The following PRDM16 variants were observed in gnomAD, a reference collection of about 807,000 sequenced individuals.
The protein encoded by PRDM16 is PR/SET domain 16.
PRDM16 carries 23 observed loss-of-function variants against 110.6 expected under a neutral mutation model. That is an observed-to-expected ratio of 0.21 (90% confidence interval 0.15 to 0.29). The LOEUF (loss-of-function observed/expected upper bound fraction) is 0.29, where lower values mean the gene tolerates loss of function less well. PRDM16 is among the 10% of genes least tolerant of loss of function. The pLI, the probability that PRDM16 is intolerant of heterozygous loss-of-function variation, is 1.00. For missense variants in PRDM16, 1,615 were observed against 1,794.3 expected, an observed-to-expected ratio of 0.90 and a Z score of 1.81; for synonymous variants, 799 against 781.8, an observed-to-expected ratio of 1.02 and a Z score of -0.37.
At chr1:3,147,336 T>G (rs1170058290) in intron 1 of PRDM16, among the ~76,000 whole-genome samples, 1 of 151,206 alleles carries the variant, frequency 6.6e-6, no homozygotes, top group Non-Finnish European at 1.5e-5. Context: ...GTGACGTGGG[T>G]GCACCTGGGC....
chr1:3,078,610 GAGCC>G (rs1461160130), intron 1 of PRDM16, among the ~76,000 whole-genome samples: 1 of 152,228 alleles, frequency 6.6e-6, no homozygotes, highest in Non-Finnish European at 1.5e-5. Context: ...TTGCTGCTGT[GAGCC>G]TCTGCCTCTC....
Position 3,290,389 on chromosome 1 carries a change from C to T in PRDM16, c.438+46252C>T, listed in dbSNP as rs144646976. 2.6e-5 allele frequency among the ~76,000 whole-genome samples: 4 copies of T among 152,296 alleles called. No homozygotes were observed. The highest frequency in any genetic ancestry group is 5.9e-5 in the Non-Finnish European group (4 of 68,032). Reference sequence around the variant, plus strand: ...TCCCCACCTTATAGATGAGGAGGCACAGAGAGGGGGAAATTTGCCGGTTCC... The same window carrying T: ...TCCCCACCTTATAGATGAGGAGGCATAGAGAGGGGGAAATTTGCCGGTTCC... On this transcript the variant is annotated intron_variant, in intron 3 of 16. Transcript: ENST00000270722. The surrounding 1 kb of genome is among the most constrained non-coding windows in gnomAD (Gnocchi z 4.8).
intron 3 of PRDM16, among the ~76,000 whole-genome samples, chr1:3,300,829 C>T (rs1237529490): frequency 1.3e-5 from 2 of 152,186 alleles, no homozygotes; most frequent in East Asian, 1.9e-4. Flanking sequence ...AAATATCTTC[C>T]TTCAACCGCT....
chr1:3,368,503 G>A lies in PRDM16; in HGVS notation c.439-16649G>A, dbSNP rs74050354. 4.9e-3 allele frequency among the ~76,000 whole-genome samples: 739 copies of A among 152,248 alleles called. 6 individuals are homozygous for A. Among genetic ancestry groups the A allele is most frequent in the African/African-American group, 0.017 (688 of 41,538 alleles). ...AAGCCAAGCAAAGGCCACGAACCAT[G>A]CCTCACCCCAAAGACAGTGTCTCCC... On this transcript the variant is annotated intron_variant, in intron 3 of 16. Transcript: ENST00000270722.
chr1:3,211,248 C>G (rs1404932627), intron 2 of PRDM16, among the ~76,000 whole-genome samples: 1 of 152,232 alleles, frequency 6.6e-6, no homozygotes, highest in Non-Finnish European at 1.5e-5. Flanking sequence ...GCCACCCTGC[C>G]CTTCTTCCCT....
intron 1 of PRDM16, chr1:3,132,893 G>C (rs1402063393): frequency 6.6e-6 from 1 of 152,218 alleles, no homozygotes; most frequent in Non-Finnish European, 1.5e-5. Context: ...CCCCAGCCTC[G>C]TGCAAACACA....
intron 1 of PRDM16, among the ~76,000 whole-genome samples, chr1:3,085,057 C>T (rs1393030038): frequency 2.6e-5 from 4 of 152,184 alleles, no homozygotes; most frequent in Admixed American, 1.3e-4. Context: ...GGTCCCCAGC[C>T]GCACCTCTCT....
chr1:3,255,163 G>A lies in PRDM16; in HGVS notation c.438+11026G>A, dbSNP rs1640015578. On this transcript the variant is annotated intron_variant, in intron 3 of 16. Coordinates refer to ENST00000270722, the MANE Select transcript of PRDM16 (RefSeq NM_022114.4). The surrounding 1 kb of genome is among the most constrained non-coding windows in gnomAD (Gnocchi z 4.7). ...CCTTATACAAAAATTAATTCAAGATGGATTAAAGACTTAAACGTTAGACCT... is the reference window on the plus strand; with the variant it reads ...CCTTATACAAAAATTAATTCAAGATAGATTAAAGACTTAAACGTTAGACCT... Among the ~76,000 whole-genome samples the A allele has an allele frequency of 6.6e-6, 1 of 151,746 alleles. No homozygotes were observed. The highest frequency in any genetic ancestry group is 6.6e-5 in the Admixed American group (1 of 15,234).
At chr1:3,110,598 T>C (rs967096540) in intron 1 of PRDM16, among the ~76,000 whole-genome samples, 4 of 152,236 alleles carry the variant, frequency 2.6e-5, no homozygotes, top group African/African-American at 9.6e-5. Context: ...CTGGGGAACG[T>C]ATTTTAGTGA....
intron 4 of PRDM16, among the ~76,000 whole-genome samples, chr1:3,392,916 C>T (rs1469756641): frequency 6.6e-6 from 1 of 152,194 alleles, no homozygotes; most frequent in Non-Finnish European, 1.5e-5. Context: ...AGAAAATAGG[C>T]AGGGTCATGC....
chr1:3,131,569 A>G (rs1244596476), intron 1 of PRDM16, among the ~76,000 whole-genome samples: 1 of 152,214 alleles, frequency 6.6e-6, no homozygotes, highest in Non-Finnish European at 1.5e-5. Flanking sequence ...ATACTTCTTT[A>G]TGCCTGTACT....
At chr1:3,121,817 G>A (rs1400723117) in intron 1 of PRDM16, among the ~76,000 whole-genome samples, 2 of 152,192 alleles carry the variant, frequency 1.3e-5, no homozygotes, top group Admixed American at 6.5e-5. Context: ...CTCCCCAGGC[G>A]GCTGGGGACC....
chr1:3,172,688 G>A (rs748106592), intron 1 of PRDM16, among the ~76,000 whole-genome samples: 5 of 152,216 alleles, frequency 3.3e-5, no homozygotes, highest in Non-Finnish European at 7.3e-5. Flanking sequence ...TAAGTAAGCC[G>A]GCTGTGAAAG....
At chr1:3,102,082 TG>T (rs762070712) in intron 1 of PRDM16, among the ~76,000 whole-genome samples, 1 of 152,176 alleles carries the variant, frequency 6.6e-6, no homozygotes, top group Non-Finnish European at 1.5e-5. Flanking sequence ...TTGGGGAGGA[TG>T]CCCCGGCCAC....
At chr1:3,119,417 C>T (rs937500272) in intron 1 of PRDM16, among the ~76,000 whole-genome samples, 5 of 152,246 alleles carry the variant, frequency 3.3e-5, no homozygotes, top group African/African-American at 1.2e-4. Context: ...GGAGGACTCC[C>T]CATCCAGCCC....
chr1:3,162,555 C>A (rs1468611646), intron 1 of PRDM16, among the ~76,000 whole-genome samples: 1 of 152,186 alleles, frequency 6.6e-6, no homozygotes, highest in Non-Finnish European at 1.5e-5. Context: ...TTATTAACCC[C>A]CTTTCCCTGG....
In PRDM16 at chr1:3,157,163, G is replaced by A. The variant is rs886833391; in HGVS notation, c.38-28962G>A. On this transcript the variant is annotated intron_variant, in intron 1 of 16. Coordinates refer to ENST00000270722, the MANE Select transcript of PRDM16 (RefSeq NM_022114.4). The surrounding 1 kb of genome is among the most constrained non-coding windows in gnomAD (Gnocchi z 4.8). ...GCTCAGCCTGGGCGGCTCAGAGGGCGGGACCTGGAGAAGGAGGGCCGCTCG... is the reference window on the plus strand; with the variant it reads ...GCTCAGCCTGGGCGGCTCAGAGGGCAGGACCTGGAGAAGGAGGGCCGCTCG... Among the ~76,000 whole-genome samples the A allele has an allele frequency of 5.3e-5, 8 of 152,122 alleles. No individual in the cohort carries two copies. Among genetic ancestry groups the A allele is most frequent in the Admixed American group, 1.3e-4 (2 of 15,284 alleles).
At chr1:3,098,422 C>T (rs974275772) in intron 1 of PRDM16, among the ~76,000 whole-genome samples, 2 of 152,090 alleles carry the variant, frequency 1.3e-5, no homozygotes, top group Non-Finnish European at 2.9e-5. Flanking sequence ...CCAGCTGTGT[C>T]TGGCCCAGGG....
At chr1:3,090,273 G>A (rs1271104369) in intron 1 of PRDM16, among the ~76,000 whole-genome samples, 1 of 152,230 alleles carries the variant, frequency 6.6e-6, no homozygotes, top group East Asian at 1.9e-4. Flanking sequence ...GCTTGACACT[G>A]AGGGCTGTGA....
Sources: allele counts gnomAD v4.1 joint callset (sites outside exome capture counted in the v4.1 genomes callset), GRCh38; gene constraint gnomAD v4.1.1; non-coding constraint Gnocchi (gnomAD v3.1); transcripts MANE v1.5; gene names NCBI Gene and HGNC (gene_info 2026-07-23, HGNC 2026-07-21).